The following THSD4 variants were observed in gnomAD, a reference collection of about 807,000 sequenced individuals.
The protein encoded by THSD4 is thrombospondin type 1 domain containing 4, also known as thrombospondin type-1 domain-containing protein 4.
In THSD4, 69 loss-of-function variants were observed where a neutral mutation model predicts 119.0. The observed-to-expected ratio is 0.58, with a 90% CI of 0.48 to 0.71. The LOEUF is 0.71. Among genes scored for constraint, THSD4 ranks in the 30% least tolerant of loss-of-function variants. The probability of loss-of-function intolerance (pLI) is 0.00; values close to 1 mark genes in which losing one functional copy is unlikely to be tolerated. For missense variants in THSD4, 1,393 were observed against 1,391.1 expected (o/e 1.00, Z -0.02); for synonymous variants, 524 against 540.4 (o/e 0.97, Z 0.42).
chr15:71,102,545 A>G (rs1184704035), intron 1 of THSD4, among the ~76,000 whole-genome samples: 1 of 151,670 alleles, frequency 6.6e-6, no homozygotes, highest in East Asian at 1.9e-4. Context: ...TAATATTTCC[A>G]TTTGGTTTGT....
At chr15:71,305,483 A>G (rs1266151205) in intron 6 of THSD4, among the ~76,000 whole-genome samples, 1 of 152,160 alleles carries the variant, frequency 6.6e-6, no homozygotes, top group African/African-American at 2.4e-5. Context: ...GGCAGTAGTT[A>G]ACGTGGGGTT....
At chr15:71,197,365 G>A (rs1459057698) in intron 3 of THSD4, among the ~76,000 whole-genome samples, 1 of 152,218 alleles carries the variant, frequency 6.6e-6, no homozygotes, top group Non-Finnish European at 1.5e-5. Flanking sequence ...CTCTTCAATG[G>A]TTTGGGCAGT....
intron 7 of THSD4, among the ~76,000 whole-genome samples, chr15:71,652,137 A>AGAACTCT (rs2051102924): frequency 6.6e-6 from 1 of 152,174 alleles, no homozygotes; most frequent in Non-Finnish European, 1.5e-5. Flanking sequence ...TCTAGCCTCC[A>AGAACTCT]GAACTCTGCC....
intron 8 of THSD4, among the ~76,000 whole-genome samples, chr15:71,719,493 G>T (rs1411589198): frequency 2.0e-5 from 3 of 152,182 alleles, no homozygotes; most frequent in Admixed American, 2.0e-4. Flanking sequence ...TACCGCATGT[G>T]TTTGCCATTT....
intron 8 of THSD4, among the ~76,000 whole-genome samples, chr15:71,712,282 G>T (rs1161008265): frequency 1.3e-5 from 2 of 152,148 alleles, no homozygotes; most frequent in African/African-American, 4.8e-5. Context: ...CTGAATTAAA[G>T]TGGAATTCTC....
At chr15:71,202,302 G>T (rs543636411) in intron 3 of THSD4, among the ~76,000 whole-genome samples, 1 of 152,236 alleles carries the variant, frequency 6.6e-6, no homozygotes, top group East Asian at 1.9e-4. Flanking sequence ...GCTCTTTGTG[G>T]CCTTGAAAGT....
At chr15:71,182,360 AC>A (rs2043539752) in intron 3 of THSD4, among the ~76,000 whole-genome samples, 1 of 151,758 alleles carries the variant, frequency 6.6e-6, no homozygotes, top group Non-Finnish European at 1.5e-5. Flanking sequence ...CTACTCTGGT[AC>A]CCATATCTTA....
intron 6 of THSD4, among the ~76,000 whole-genome samples, chr15:71,391,775 G>C (rs1362715368): frequency 6.6e-6 from 1 of 152,080 alleles, no homozygotes; most frequent in Non-Finnish European, 1.5e-5. Flanking sequence ...TGAACTGCAG[G>C]AGACGATGGC....
At chr15:71,173,751 CT>C (rs2043408595) in intron 3 of THSD4, among the ~76,000 whole-genome samples, 1 of 151,962 alleles carries the variant, frequency 6.6e-6, no homozygotes. Flanking sequence ...AGGACTCATA[CT>C]TTCTGATTTC....
rs543269674 is a variant in THSD4 at position 71,343,538 on chromosome 15, C to T, written c.1016-68149C>T. ...TTCCTCTTCCAGCTTTTGGTGGCACCCAGCAATCACTGGCCTTCCTTGACT... is the reference window on the plus strand; with the variant it reads ...TTCCTCTTCCAGCTTTTGGTGGCACTCAGCAATCACTGGCCTTCCTTGACT... On this transcript the variant is annotated intron_variant, in intron 6 of 17. Transcript: ENST00000261862. Among the ~76,000 whole-genome samples, 98 of 152,132 alleles carry T rather than the reference C, an allele frequency of 6.4e-4. 1 individual carries two copies. Among genetic ancestry groups the T allele is most frequent in the Non-Finnish European group, 1.1e-3 (73 of 67,994 alleles).
chr15:71,403,373 G>A (rs1315489613), intron 6 of THSD4, among the ~76,000 whole-genome samples: 1 of 152,046 alleles, frequency 6.6e-6, no homozygotes, highest in East Asian at 1.9e-4. Flanking sequence ...AAAATTATAA[G>A]GCATTACTCA....
intron 7 of THSD4, among the ~76,000 whole-genome samples, chr15:71,560,083 A>C (rs2140877846): frequency 6.6e-6 from 1 of 152,270 alleles, no homozygotes; most frequent in African/African-American, 2.4e-5. Context: ...TACTTAAAAA[A>C]CCTTATTTTC....
At chr15:71,598,401 T>C (rs1567055235) in intron 7 of THSD4, among the ~76,000 whole-genome samples, 1 of 152,108 alleles carries the variant, frequency 6.6e-6, no homozygotes, top group East Asian at 1.9e-4. Context: ...TGATGGGTAC[T>C]GAGACAAGGA....
intron 6 of THSD4, among the ~76,000 whole-genome samples, chr15:71,368,286 G>A (rs985187716): frequency 6.6e-6 from 1 of 152,082 alleles, no homozygotes; most frequent in Non-Finnish European, 1.5e-5. Flanking sequence ...CTCTTTAGTT[G>A]AATTAGATCC....
At chr15:71,559,754 T>G (rs558562467) in intron 7 of THSD4, among the ~76,000 whole-genome samples, 211 of 152,298 alleles carry the variant, frequency 1.4e-3, no homozygotes, top group African/African-American at 5.0e-3. Context: ...AAGGATGGCC[T>G]TTAGTTCCTT....
At chr15:71,438,980 G>T (rs1286964474) in intron 7 of THSD4, among the ~76,000 whole-genome samples, 2 of 152,162 alleles carry the variant, frequency 1.3e-5, no homozygotes, top group Non-Finnish European at 2.9e-5. Context: ...ATCATGAAAA[G>T]CATTCCAAAT....
intron 6 of THSD4, among the ~76,000 whole-genome samples, chr15:71,275,971 A>G (rs1354230162): frequency 1.3e-5 from 2 of 152,236 alleles, no homozygotes; most frequent in African/African-American, 4.8e-5. Flanking sequence ...GTAAGTTTCT[A>G]TCAGCAGCAT....
chr15:71,447,109 ATTTTTTTTGTTTTTTTTT>A (rs2047194225), intron 7 of THSD4, among the ~76,000 whole-genome samples: 1 of 69,448 alleles, frequency 1.4e-5, no homozygotes, highest in Non-Finnish European at 2.7e-5. Flanking sequence ...TCTTCCCTCC[ATTTTTTTTGTTTTTTTTT>A]TTTTTTTTTT....
intron 3 of THSD4, among the ~76,000 whole-genome samples, chr15:71,197,771 G>A (rs1317144027): frequency 6.6e-6 from 1 of 152,126 alleles, no homozygotes; most frequent in Non-Finnish European, 1.5e-5. Flanking sequence ...TTCTCTGCCT[G>A]AGGGTCCCAC....
Sources: allele counts gnomAD v4.1 joint callset (sites outside exome capture counted in the v4.1 genomes callset), GRCh38; gene constraint gnomAD v4.1.1; transcripts MANE v1.5; gene names NCBI Gene and HGNC (gene_info 2026-07-23, HGNC 2026-07-21).